NAV3: variants seen among roughly 807,000 people sequenced by gnomAD.
NAV3 encodes the protein neuron navigator 3, also known as pore membrane and/or filament interacting like protein 1.
Under a neutral mutation model 244.7 loss-of-function variants are expected in NAV3, and 87 were observed. That is an observed-to-expected ratio of 0.36 (90% CI 0.30 to 0.42). The LOEUF is 0.42. Ranked by LOEUF, NAV3 falls within the 20% of genes least tolerant of loss-of-function variation. NAV3 has a pLI of 1.00. For synonymous variants in NAV3, 1,126 were observed against 1,042.2 expected, an observed-to-expected ratio of 1.08 and a Z score of -1.55; for missense variants, 2,663 against 2,893.3, an observed-to-expected ratio of 0.92 and a Z score of 1.83.
intron 2 of NAV3, among the ~76,000 whole-genome samples, chr12:77,628,824 A>G (rs1422076358): frequency 1.3e-5 from 2 of 151,058 alleles, no homozygotes; most frequent in African/African-American, 2.5e-5. Context: ...CCAGGAACTC[A>G]AGGCAGCAGT....
At position 78,188,332 on chromosome 12, in the gene NAV3, C is replaced by T. The variant is rs573838509; in HGVS notation, c.5875C>T (p.Arg1959Cys). 19 of 1,609,866 alleles carry T rather than the reference C, an allele frequency of 1.2e-5. No individual in the cohort carries two copies. Among genetic ancestry groups the T allele is most frequent in the African/African-American group, 6.7e-5 (5 of 74,876 alleles). Residue 1959 changes from arginine to cysteine, a missense_variant, in exon 32 of 40, where the codon CGT becomes TGT. By Grantham distance (180) the Arg-to-Cys change is radical. This residue lies in a region of NAV3 where 543 missense variants were observed against 672.4 expected (regional missense o/e 0.81). Transcript: ENST00000397909. ...KWDVLDGVIR[R>C]LFKEYVFRID... ...GGATGTCTTAGATGGTGTAATAAGACGTCTCTTTAAGGTATGTTGTGCAAG... is the reference window on the plus strand; with the variant it reads ...GGATGTCTTAGATGGTGTAATAAGATGTCTCTTTAAGGTATGTTGTGCAAG...
intron 15 of NAV3, 47 bp from the exon 16 acceptor site, chr12:78,121,893 T>G (rs2138675348): frequency 6.2e-7 from 1 of 1,600,124 alleles, no homozygotes; most frequent in Non-Finnish European, 8.5e-7. Flanking sequence ...TAAATGTGGA[T>G]ATTAGCTTCT....
intron 1 of NAV3, among the ~76,000 whole-genome samples, chr12:77,863,456 A>G (rs1879551664): frequency 6.6e-6 from 1 of 151,880 alleles, no homozygotes; most frequent in Non-Finnish European, 1.5e-5. Context: ...TGAAGTCTTC[A>G]TAATTATTTC....
At chr12:78,117,980 T>C (rs745478881) in intron 13 of NAV3, 47 bp from the exon 14 acceptor site, 10 of 1,497,710 alleles carry the variant, frequency 6.7e-6, no homozygotes, top group Non-Finnish European at 8.1e-6. Flanking sequence ...ATTCATACTT[T>C]ATAAATTTTT....
At chr12:77,732,397 C>T (rs1326821478) in intron 2 of NAV3, among the ~76,000 whole-genome samples, 2 of 151,960 alleles carry the variant, frequency 1.3e-5, no homozygotes, top group African/African-American at 4.8e-5. Context: ...CTTCTCACTG[C>T]TTTATGAGGT....
chr12:77,757,275 G>A (rs1171969176), intron 2 of NAV3, among the ~76,000 whole-genome samples: 2 of 152,126 alleles, frequency 1.3e-5, no homozygotes, highest in Non-Finnish European at 2.9e-5. Context: ...GCCAAAGTTA[G>A]TCACATAGTC....
At chr12:77,765,145 T>C (rs1234715813) in intron 2 of NAV3, among the ~76,000 whole-genome samples, 1 of 152,248 alleles carries the variant, frequency 6.6e-6, no homozygotes, top group Non-Finnish European at 1.5e-5. Flanking sequence ...TAACCTGGGC[T>C]GAAGGAGACT....
Position 78,092,491 on chromosome 12 carries a change from CTTTTTTTTT to C in NAV3, c.2637-24263_2637-24255del, listed in dbSNP as rs71088358. 2.9e-3 allele frequency among the ~76,000 whole-genome samples: 184 copies of C among 64,038 alleles called. 2 individuals are homozygous for C. The highest frequency in any genetic ancestry group is 0.011 in the African/African-American group (179 of 16,858). 42.0% of individuals were successfully genotyped at this position (64,038 alleles called of 152,430 possible). ...ACCCTTTGAAAGCGTTAGTTATTTT[CTTTTTTTTT>C]TTTTTTTTTTTTTTTTTGAGATGGA... On this transcript the variant is annotated intron_variant, in intron 12 of 39. Transcript: ENST00000397909.
chr12:78,103,830 A>C (rs1566136071), intron 12 of NAV3, among the ~76,000 whole-genome samples: 1 of 152,198 alleles, frequency 6.6e-6, no homozygotes, highest in East Asian at 1.9e-4. Context: ...AATGATCTCC[A>C]ACCAGGTGCC....
intron 5 of NAV3, among the ~76,000 whole-genome samples, chr12:77,972,566 A>G (rs1893087474): frequency 6.6e-6 from 1 of 152,016 alleles, no homozygotes; most frequent in Non-Finnish European, 1.5e-5. Flanking sequence ...TTCATTCAGT[A>G]TTTCTTAATT....
At chr12:78,020,891 A>C (rs1315728731) in intron 8 of NAV3, among the ~76,000 whole-genome samples, 2 of 152,164 alleles carry the variant, frequency 1.3e-5, no homozygotes, top group Non-Finnish European at 2.9e-5. Context: ...TCTAAAGAAC[A>C]CAGTCCAGTG....
chr12:77,643,652 G>T (rs1019999208), intron 2 of NAV3, among the ~76,000 whole-genome samples: 3 of 151,752 alleles, frequency 2.0e-5, no homozygotes, highest in African/African-American at 7.2e-5. Flanking sequence ...ATTATTAAAA[G>T]TTCATTTATA....
At chr12:77,586,325 T>C (rs1050525234) in intron 2 of NAV3, among the ~76,000 whole-genome samples, 1 of 152,288 alleles carries the variant, frequency 6.6e-6, no homozygotes, top group Admixed American at 6.5e-5. Context: ...GATAAGAAAA[T>C]GAATATTATA....
At chr12:78,050,200 T>C in intron 10 of NAV3, 99 bp downstream of exon 10, 2 of 823,828 alleles carry the variant, frequency 2.4e-6, no homozygotes, top group South Asian at 3.2e-5. Flanking sequence ...GATTTCAGTT[T>C]CCCCTTACTA....
At chr12:78,157,967 A>G (rs139031007) in intron 22 of NAV3, among the ~76,000 whole-genome samples, 5 of 152,260 alleles carry the variant, frequency 3.3e-5, no homozygotes, top group African/African-American at 1.2e-4. Context: ...AGAGCTAGGA[A>G]CATGCACCTT....
chr12:77,636,682 A>G (rs979199761), intron 2 of NAV3, among the ~76,000 whole-genome samples: 1 of 152,152 alleles, frequency 6.6e-6, no homozygotes, highest in African/African-American at 2.4e-5. Flanking sequence ...TTCTACTATA[A>G]AGACACATGG....
intron 22 of NAV3, among the ~76,000 whole-genome samples, chr12:78,154,001 A>G (rs1270863820): frequency 1.3e-5 from 2 of 148,808 alleles, no homozygotes; most frequent in Non-Finnish European, 3.0e-5. Context: ...AAATATATAT[A>G]AAGTTTATAT....
intron 2 of NAV3, among the ~76,000 whole-genome samples, chr12:77,684,996 A>C (rs745380075): frequency 2.0e-5 from 3 of 152,172 alleles, no homozygotes; most frequent in Non-Finnish European, 4.4e-5. Flanking sequence ...TGGTCTATTC[A>C]TGTATCCTAA....
intron 1 of NAV3, among the ~76,000 whole-genome samples, chr12:77,931,061 T>C (rs1330314867): frequency 9.0e-6 from 1 of 111,060 alleles, no homozygotes; most frequent in Non-Finnish European, 2.0e-5. Context: ...ACTTTGAAAA[T>C]TCTTTCCTAT....
Sources: allele counts gnomAD v4.1 joint callset (sites outside exome capture counted in the v4.1 genomes callset), GRCh38; gene constraint gnomAD v4.1.1; regional missense constraint gnomAD v4.1.1; transcripts MANE v1.5; gene names NCBI Gene and HGNC (gene_info 2026-07-23, HGNC 2026-07-21).